MAT2B: variants seen among roughly 807,000 people sequenced by gnomAD.
MAT2B encodes the protein methionine adenosyltransferase 2 subunit beta.
Under a neutral mutation model 36.1 loss-of-function variants are expected in MAT2B, and 16 were observed. The observed-to-expected ratio is 0.44, with a 90% confidence interval of 0.30 to 0.67. The LOEUF (loss-of-function observed/expected upper bound fraction) is 0.67, where lower values mean the gene tolerates loss of function less well. Ranked by LOEUF, MAT2B falls within the 30% of genes least tolerant of loss-of-function variation. The pLI is 0.09. For missense variants in MAT2B, 332 were observed against 398.2 expected (o/e 0.83, Z 1.42); for synonymous variants, 148 against 136.9 (o/e 1.08, Z -0.57).
At chr5:163,514,997 G>A (rs1262413972) in intron 4 of MAT2B, among the ~76,000 whole-genome samples, 1 of 152,164 alleles carries the variant, frequency 6.6e-6, no homozygotes, top group Non-Finnish European at 1.5e-5. Context: ...CTGGAGGGGA[G>A]GAATGCTGTG....
chr5:163,508,066 GA>G (rs1459164919), intron 1 of MAT2B, among the ~76,000 whole-genome samples: 4 of 152,294 alleles, frequency 2.6e-5, no homozygotes, highest in Admixed American at 1.3e-4. Context: ...AATCATTCAT[GA>G]AACCAAATAT....
intron 4 of MAT2B, among the ~76,000 whole-genome samples, chr5:163,514,195 T>C (rs977481833): frequency 2.7e-4 from 41 of 152,314 alleles, no homozygotes; most frequent in African/African-American, 8.4e-4. Context: ...CCACTATCAG[T>C]GTTTACATAT....
intron 1 of MAT2B, among the ~76,000 whole-genome samples, chr5:163,505,956 C>T (rs909410992): frequency 1.3e-5 from 2 of 152,148 alleles, no homozygotes; most frequent in African/African-American, 4.8e-5. Flanking sequence ...GTGTTTTTTT[C>T]TTCCAGCCAC....
chr5:163,503,275 T>C (rs1759876604), upstream of MAT2B: 3 of 812,002 alleles, frequency 3.7e-6, no homozygotes, highest in South Asian at 1.5e-5. Flanking sequence ...CAAGTGAAGC[T>C]GCTCCTCACG....
intron 4 of MAT2B, 45 bp downstream of exon 4, chr5:163,514,039 A>G: frequency 1.3e-6 from 2 of 1,532,076 alleles, no homozygotes; most frequent in South Asian, 2.5e-5. Context: ...TGAAGACTTT[A>G]AAAATCATTT....
chr5:163,511,306 C>A (rs1326418083), intron 1 of MAT2B, among the ~76,000 whole-genome samples: 1 of 151,718 alleles, frequency 6.6e-6, no homozygotes, highest in African/African-American at 2.4e-5. Context: ...TCACTCTGTC[C>A]CCCAGACTGG....
chr5:163,509,469 G>A (rs11960580), intron 1 of MAT2B, among the ~76,000 whole-genome samples: 10,792 of 152,166 alleles, frequency 0.071, 1,261 homozygotes, highest in African/African-American at 0.24. Flanking sequence ...TCACTTGTTG[G>A]AACTTGTTGG....
intron 4 of MAT2B, among the ~76,000 whole-genome samples, chr5:163,514,629 A>G (rs1447134696): frequency 2.0e-5 from 3 of 151,810 alleles, no homozygotes; most frequent in Non-Finnish European, 2.9e-5. Context: ...TTCCCTCAAC[A>G]TCTTTGCATT....
In MAT2B at chr5:163,505,630, C is replaced by G. The variant is rs956596887; in HGVS notation, c.-57C>G. 3.2e-6 allele frequency: 4 copies of G among 1,252,682 alleles called. No homozygotes were observed. Among genetic ancestry groups the G allele is most frequent in the Middle Eastern group, 2.1e-4 (1 of 4,658 alleles). 77.6% of individuals were successfully genotyped at this position (1,252,682 alleles called of 1,614,324 possible). A position where few individuals can be genotyped will look rare whatever the true frequency, so the allele number is the denominator to read the frequency against. On this transcript the variant is annotated 5_prime_UTR_variant, in exon 1 of 7. Transcript: ENST00000321757. Reference sequence around the variant, plus strand: ...AGGGCGTCTGAGCTGAGGCCCGCGTCGATCCTGGGTTGGAGGAGGTGGCGG... The same window carrying G: ...AGGGCGTCTGAGCTGAGGCCCGCGTGGATCCTGGGTTGGAGGAGGTGGCGG...
chr5:163,504,372 C>G (rs565063606), upstream of MAT2B, among the ~76,000 whole-genome samples: 5 of 151,616 alleles, frequency 3.3e-5, no homozygotes, highest in Non-Finnish European at 5.9e-5. Flanking sequence ...AGGCTGTCTT[C>G]GATTACTGTT....
Position 163,518,630 on chromosome 5 carries a change from TGA to T in MAT2B, c.*271_*272del, listed in dbSNP as rs1276230245. ...TAGTAAATTATGATCCTTAAATATT[TGA>T]GAGTCAGGATGAAGCAGATCTGCTG... On this transcript the variant is annotated 3_prime_UTR_variant, in exon 7 of 7. Coordinates refer to ENST00000321757, the MANE Select transcript of MAT2B (RefSeq NM_013283.5). 1 of 250,264 alleles carries T rather than the reference TGA, an allele frequency of 4.0e-6. No homozygotes were observed. Among genetic ancestry groups the T allele is most frequent in the Non-Finnish European group, 7.6e-6 (1 of 132,282 alleles). 15.5% of individuals were successfully genotyped at this position (250,264 alleles called of 1,614,324 possible).
chr5:163,517,938 C>T (rs1760158103), intron 6 of MAT2B: 2 of 491,836 alleles, frequency 4.1e-6, no homozygotes, highest in South Asian at 7.2e-5. Flanking sequence ...ACACTAAGAG[C>T]AAAAATAAGT....
rs375446953 is a variant in MAT2B, at chr5:163,516,546, G to T, written c.555G>T (p.Leu185=). The T allele has an allele frequency of 1.9e-6, 3 of 1,614,020 alleles. No individual in the cohort carries two copies. In the African/African-American group the frequency reaches 4.0e-5, roughly 22 times the overall value. ...CTGCTGTTTTGAGGATTCCTATTCT[G>T]TATGGGGAAGTTGAAAAGCTCGAAG... The part of the protein sequence containing the change: ...LGAAVLRIPI[L]YGEVEKLEES... The change falls in exon 5 of 7, where the codon CTG becomes CTT. Residue 185 remains leucine (L), a synonymous_variant. Coordinates refer to ENST00000321757, the MANE Select transcript of MAT2B (RefSeq NM_013283.5).
intron 4 of MAT2B, among the ~76,000 whole-genome samples, chr5:163,515,770 C>CTTTTTCTTTTTTTTTT: frequency 2.9e-5 from 2 of 69,780 alleles, no homozygotes; most frequent in Non-Finnish European, 4.9e-5. Flanking sequence ...TTGCCTTTTT[C>CTTTTTCTTTTTTTTTT]TTTTTTTTTT....
Position 163,512,142 on chromosome 5 carries a change from A to G in MAT2B, c.204A>G (p.Glu68=). Residue 68 remains glutamate, a synonymous_variant, in exon 2 of 7, where the codon GAA becomes GAG. Transcript: ENST00000321757. ...CGFRRARPKF[E]QVNLLDSNAV... The stretch of plus-strand genomic sequence containing the variant: ...TCAGAAGAGCAAGACCAAAATTTGA[A>G]CAGGTTAATCTGTTGGATTCTAATG... The G allele has an allele frequency of 1.2e-6, 2 of 1,614,140 alleles. No individual in the cohort carries two copies. Among genetic ancestry groups the G allele is most frequent in the South Asian group, 1.1e-5 (1 of 91,080 alleles).
At chr5:163,503,638 T>C (rs1480661270), upstream of MAT2B, among the ~76,000 whole-genome samples, 2 of 152,226 alleles carry the variant, frequency 1.3e-5, no homozygotes, top group Non-Finnish European at 2.9e-5. Context: ...CAGCTAAGTC[T>C]CACTAGCTGA....
intron 2 of MAT2B, chr5:163,512,578 C>T: frequency 2.6e-6 from 1 of 389,382 alleles, no homozygotes; most frequent in South Asian, 2.0e-5. Flanking sequence ...CTCCCTTTGA[C>T]ATGGATTTAT....
intron 1 of MAT2B, among the ~76,000 whole-genome samples, chr5:163,507,029 A>G (rs1759957738): frequency 6.6e-6 from 1 of 152,214 alleles, no homozygotes; most frequent in Non-Finnish European, 1.5e-5. Flanking sequence ...AGTAGAAGTT[A>G]GACCAATCCC....
At chr5:163,509,160 A>AT (rs1268142333) in intron 1 of MAT2B, among the ~76,000 whole-genome samples, 1 of 151,828 alleles carries the variant, frequency 6.6e-6, no homozygotes, top group Non-Finnish European at 1.5e-5. Context: ...GATTCATAAG[A>AT]TTTTTTTTAA....
Sources: allele counts gnomAD v4.1 joint callset (sites outside exome capture counted in the v4.1 genomes callset), GRCh38; gene constraint gnomAD v4.1.1; transcripts MANE v1.5; gene names NCBI Gene and HGNC (gene_info 2026-07-23, HGNC 2026-07-21).